BIRC6: variants seen among roughly 807,000 people sequenced by gnomAD.
BIRC6 encodes the protein dual E2 ubiquitin-conjugating enzyme/E3 ubiquitin-protein ligase BIRC6.
In BIRC6, 98 loss-of-function variants were observed where a neutral mutation model predicts 503.3. The observed-to-expected ratio is 0.19, with a 90% CI of 0.17 to 0.23. The LOEUF (loss-of-function observed/expected upper bound fraction) is 0.23, where lower values mean the gene tolerates loss of function less well. BIRC6 is among the 10% of genes least tolerant of loss of function. BIRC6 has a pLI of 1.00. For synonymous variants in BIRC6, 2,240 were observed against 2,078.7 expected, an observed-to-expected ratio of 1.08 and a Z score of -2.11; for missense variants, 5,360 against 5,806.0, an observed-to-expected ratio of 0.92 and a Z score of 2.50.
intron 45 of BIRC6, 148 bp from the exon 46 acceptor site, chr2:32,499,399 A>G: frequency 1.5e-6 from 1 of 689,020 alleles, no homozygotes; most frequent in Non-Finnish European, 2.3e-6. Context: ...CTAATGAAAT[A>G]GTGAATATCA....
intron 8 of BIRC6, among the ~76,000 whole-genome samples, chr2:32,405,079 CTTAAT>C (rs2041046234): frequency 6.6e-6 from 1 of 152,166 alleles, no homozygotes; most frequent in African/African-American, 2.4e-5. Flanking sequence ...CATACTACTA[CTTAAT>C]TTTATTGTTC....
chr2:32,368,726 A>G (rs1282866062), intron 1 of BIRC6, among the ~76,000 whole-genome samples: 1 of 152,026 alleles, frequency 6.6e-6, no homozygotes, highest in African/African-American at 2.4e-5. Flanking sequence ...ATCTCAGCTC[A>G]CTTCAACGTC....
At chr2:32,427,743 T>G (rs1461230953) in intron 10 of BIRC6, among the ~76,000 whole-genome samples, 2 of 152,154 alleles carry the variant, frequency 1.3e-5, no homozygotes, top group Non-Finnish European at 2.9e-5. Context: ...TTTTCAGGTG[T>G]GTGTGTGTGT....
chr2:32,503,408 CTTTGTTTG>C (rs146429810), intron 49 of BIRC6, among the ~76,000 whole-genome samples, 172 bp downstream of exon 49: 51,173 of 150,950 alleles, frequency 0.34, 9,499 homozygotes, highest in Non-Finnish European at 0.43. Flanking sequence ...AGAGGGAATG[CTTTGTTTG>C]TTTGTTTGTT....
intron 52 of BIRC6, among the ~76,000 whole-genome samples, chr2:32,510,302 C>T (rs2054267917): frequency 6.6e-6 from 1 of 152,186 alleles, no homozygotes; most frequent in Non-Finnish European, 1.5e-5. Context: ...TGGTTTTGAA[C>T]TCCTGACCTC....
intron 34 of BIRC6, among the ~76,000 whole-genome samples, chr2:32,476,954 A>G (rs573600118): frequency 7.9e-5 from 12 of 152,322 alleles, no homozygotes; most frequent in East Asian, 7.7e-4. Context: ...CTATAACATG[A>G]AATTATGATT....
In BIRC6 at chr2:32,433,823, T is replaced by A. The variant is rs753021489; in HGVS notation, c.3409+19T>A. The A allele has an allele frequency of 2.0e-6, 3 of 1,466,238 alleles. No homozygotes were observed. Among genetic ancestry groups the A allele is most frequent in the South Asian group, 3.0e-5 (2 of 67,114 alleles). 90.8% of individuals were successfully genotyped at this position (1,466,238 alleles called of 1,614,324 possible). A position where few individuals can be genotyped will look rare whatever the true frequency, so the allele number is the denominator to read the frequency against. ...GTCAATGGTAAGAATGTATCAAAAT[T>A]TATCTTTGAAGATTTTATTTTGTGG... On this transcript the variant is annotated intron_variant, in intron 13 of 73. Coordinates refer to ENST00000421745, the MANE Select transcript of BIRC6 (RefSeq NM_016252.4).
Position 32,496,992 on chromosome 2 carries a change from A to G in BIRC6, c.8469-2555A>G, listed in dbSNP as rs377305214. ...ATGAAACATTGTCTTTCATAATTAG[A>G]TATGTTACTAGCTGGAGCTCTTTTT... On this transcript the variant is annotated intron_variant, in intron 45 of 73. Transcript: ENST00000421745. 1.1e-3 allele frequency among the ~76,000 whole-genome samples: 162 copies of G among 152,198 alleles called. 1 individual carries two copies. The highest frequency in any genetic ancestry group is 3.9e-3 in the African/African-American group (160 of 41,520).
chr2:32,479,343 T>G, intron 36 of BIRC6, 119 bp from the exon 37 acceptor site: 2 of 985,140 alleles, frequency 2.0e-6, no homozygotes, highest in Non-Finnish European at 3.0e-6. Context: ...CCTCAGATTC[T>G]TTTATAGTTA....
In BIRC6 at chr2:32,370,840, G is replaced by A. The variant is rs767995272; in HGVS notation, c.326-6748G>A. ...TTTTAATAGGCTATTTTAAAATAGC[G>A]TTGAAGTCTGATGAGATGTCAGTGG... is the stretch of plus-strand genomic sequence containing the variant. On this transcript the variant is annotated intron_variant, in intron 1 of 73. Transcript: ENST00000421745. 4.3e-4 allele frequency among the ~76,000 whole-genome samples: 65 copies of A among 152,030 alleles called. 1 individual carries two copies. The highest frequency in any genetic ancestry group is 1.5e-3 in the African/African-American group (62 of 41,368).
At position 32,491,430 on chromosome 2, in the gene BIRC6, T is replaced by A; in HGVS notation, c.8212T>A (p.Ser2738Thr). ...LMTNMQLNSG[S>T]SSAIGTQEST... ...TTTTAAAAAATGTTTTATAGCTGGTTCCAGCAGTGCCATTGGAACTCAGGA... is the reference window on the plus strand; with the variant it reads ...TTTTAAAAAATGTTTTATAGCTGGTACCAGCAGTGCCATTGGAACTCAGGA... Residue 2738 changes from serine (S) to threonine (T), a missense_variant, in exon 44 of 74, where the codon TCC (serine) becomes ACC (threonine). Physicochemically the swap from Ser to Thr is moderately conservative, Grantham distance 58. Transcript: ENST00000421745. 1 of 1,607,850 alleles carries A rather than the reference T, an allele frequency of 6.2e-7. No homozygotes were observed. Among genetic ancestry groups the A allele is most frequent in the Non-Finnish European group, 8.5e-7 (1 of 1,177,884 alleles).
chr2:32,369,079 T>C (rs1284788015), intron 1 of BIRC6, among the ~76,000 whole-genome samples: 1 of 152,158 alleles, frequency 6.6e-6, no homozygotes, highest in African/African-American at 2.4e-5. Flanking sequence ...TGAGGTGGTG[T>C]TTGAGTAAAG....
chr2:32,588,942 G>T (rs1235776297), intron 66 of BIRC6, among the ~76,000 whole-genome samples: 1 of 152,042 alleles, frequency 6.6e-6, no homozygotes, highest in East Asian at 1.9e-4. Flanking sequence ...ATTCCAGCTG[G>T]TATTATCTTA....
intron 71 of BIRC6, among the ~76,000 whole-genome samples, chr2:32,604,987 G>A (rs2062345232): frequency 6.7e-6 from 1 of 149,338 alleles, no homozygotes; most frequent in Admixed American, 6.8e-5. Context: ...GGTTCAAGCT[G>A]TGTTTCCACC....
intron 43 of BIRC6, among the ~76,000 whole-genome samples, chr2:32,490,742 A>T (rs889833311): frequency 1.3e-5 from 2 of 152,268 alleles, no homozygotes; most frequent in African/African-American, 4.8e-5. Context: ...CTAAGTTTTT[A>T]TGTTATTCTT....
chr2:32,491,201 T>C (rs1239652351), intron 43 of BIRC6, among the ~76,000 whole-genome samples: 1 of 152,180 alleles, frequency 6.6e-6, no homozygotes, highest in African/African-American at 2.4e-5. Context: ...AGATGTACAT[T>C]AAGCTCGAGG....
intron 59 of BIRC6, chr2:32,527,742 A>G (rs575754201): frequency 6.6e-6 from 1 of 152,406 alleles, no homozygotes; most frequent in East Asian, 1.9e-4. Context: ...GTAAGCTGGA[A>G]GAAGTAGATG....
intron 13 of BIRC6, 124 bp from the exon 14 acceptor site, chr2:32,435,372 T>C: frequency 9.2e-7 from 1 of 1,092,288 alleles, no homozygotes; most frequent in Non-Finnish European, 1.2e-6. Context: ...GTTCCCAAGT[T>C]AACAGGAAAT....
chr2:32,396,793 G>A (rs1024064912), intron 6 of BIRC6, among the ~76,000 whole-genome samples: 4 of 151,950 alleles, frequency 2.6e-5, no homozygotes, highest in African/African-American at 9.7e-5. Flanking sequence ...GCGCGATCTC[G>A]GCTCACTGCA....
Sources: allele counts gnomAD v4.1 joint callset (sites outside exome capture counted in the v4.1 genomes callset), GRCh38; gene constraint gnomAD v4.1.1; transcripts MANE v1.5; gene names NCBI Gene and HGNC (gene_info 2026-07-23, HGNC 2026-07-21).